The following ACKR2 variants were observed in gnomAD, a reference collection of about 807,000 sequenced individuals.
ACKR2 encodes the protein C-C chemokine receptor D6.
For synonymous variants in ACKR2, 207 were observed against 192.2 expected (o/e 1.08, Z -0.64); for missense variants, 457 against 477.3 (o/e 0.96, Z 0.40).
rs1172942084 is a variant in ACKR2 at position 42,866,787 on chromosome 3, T to G, written c.*1130T>G. Reference sequence around the variant, plus strand: ...GATTCACTCCATAAAATACAGAGAGTGCTGCAATGAGCTGGGTAGAAGAGG... The same window carrying G: ...GATTCACTCCATAAAATACAGAGAGGGCTGCAATGAGCTGGGTAGAAGAGG... On this transcript the variant is annotated 3_prime_UTR_variant, in exon 3 of 3. Transcript: ENST00000422265. 1 of 166,804 alleles carries G rather than the reference T, an allele frequency of 6.0e-6. No homozygotes were observed. The highest frequency in any genetic ancestry group is 1.5e-5 in the Non-Finnish European group (1 of 68,078). The allele number at this position is 166,804 out of a possible 1,614,324, so 10.3% of individuals were successfully genotyped here.
At chr3:42,846,769 C>T (rs1701102424) in intron 2 of ACKR2, among the ~76,000 whole-genome samples, 1 of 152,110 alleles carries the variant, frequency 6.6e-6, no homozygotes, top group Admixed American at 6.5e-5. Flanking sequence ...TACATCAAAG[C>T]CTGCATTCTC....
intron 2 of ACKR2, among the ~76,000 whole-genome samples, chr3:42,843,050 T>A (rs1044772066): frequency 6.8e-6 from 1 of 147,504 alleles, no homozygotes; most frequent in African/African-American, 2.5e-5. Flanking sequence ...ATTTATTTAT[T>A]TATTTATTTA....
At chr3:42,833,355 TA>T (rs770851193) in intron 2 of ACKR2, among the ~76,000 whole-genome samples, 1 of 152,218 alleles carries the variant, frequency 6.6e-6, no homozygotes, top group Non-Finnish European at 1.5e-5. Flanking sequence ...TGTTTATTTT[TA>T]TTTTTTATTT....
chr3:42,825,872 T>A (rs1335351022), intron 2 of ACKR2, among the ~76,000 whole-genome samples: 1 of 151,198 alleles, frequency 6.6e-6, no homozygotes, highest in African/African-American at 2.4e-5. Context: ...TTTGTTTTTT[T>A]TTTTTGTAGA....
At chr3:42,828,869 A>T (rs180799943) in intron 2 of ACKR2, among the ~76,000 whole-genome samples, 6 of 152,336 alleles carry the variant, frequency 3.9e-5, no homozygotes, top group Middle Eastern at 6.8e-3. Context: ...CATTAAATGA[A>T]ATAGGAGGAT....
At chr3:42,814,809 T>C (rs183407447) in intron 1 of ACKR2, among the ~76,000 whole-genome samples, 31 of 152,326 alleles carry the variant, frequency 2.0e-4, no homozygotes, top group Admixed American at 3.3e-4. Context: ...AGTTTATAAG[T>C]ACTTTGAATG....
chr3:42,812,988 C>G lies in ACKR2; in HGVS notation c.-119+3456C>G, dbSNP rs1044014482. ...ACAGGCATGAGCCACTATGCCCGGC[C>G]TTCAGCTTTCTTTTGGTTCTAATCA... On this transcript the variant is annotated intron_variant, in intron 1 of 2. Coordinates refer to ENST00000422265, the MANE Select transcript of ACKR2 (RefSeq NM_001296.5). Among the ~76,000 whole-genome samples, 4 of 152,224 alleles carry G rather than the reference C, an allele frequency of 2.6e-5. No individual in the cohort carries two copies. In the East Asian group the frequency reaches 7.7e-4, roughly 29 times the overall value.
rs1343146618 is a variant in ACKR2, at chr3:42,852,306, CAGGCAACAAGTACAG to C, written c.-37-12153_-37-12139del. 1 of 152,178 alleles carries C rather than the reference CAGGCAACAAGTACAG, an allele frequency of 6.6e-6. No individual in the cohort carries two copies. The highest frequency in any genetic ancestry group is 1.9e-4 in the East Asian group (1 of 5,202). 9.4% of individuals were successfully genotyped at this position (152,178 alleles called of 1,614,324 possible). A position where few individuals can be genotyped will look rare whatever the true frequency, so the allele number is the denominator to read the frequency against. Reference sequence around the variant, plus strand: ...GCAAGGAGTTCTCATGGGAACATTACAGGCAACAAGTACAGAGGCAAAAAACAAAACATCAAAAAA... The same window carrying C: ...GCAAGGAGTTCTCATGGGAACATTACAGGCAAAAAACAAAACATCAAAAAA... On this transcript the variant is annotated intron_variant, in intron 2 of 2. Coordinates refer to ENST00000422265, the MANE Select transcript of ACKR2 (RefSeq NM_001296.5). The surrounding 1 kb of genome is among the most constrained non-coding windows in gnomAD (Gnocchi z 4.3).
chr3:42,835,079 G>C (rs1009002443), intron 2 of ACKR2, among the ~76,000 whole-genome samples: 5 of 151,544 alleles, frequency 3.3e-5, no homozygotes, highest in African/African-American at 1.2e-4. Context: ...GTAGAGATGG[G>C]GTTTTGCCTT....
In ACKR2 at chr3:42,824,266, A is replaced by AT. The variant is rs775298588; in HGVS notation, c.-38+4562dup. Among the ~76,000 whole-genome samples, 5 of 152,044 alleles carry AT rather than the reference A, an allele frequency of 3.3e-5. No individual in the cohort carries two copies. The South Asian group carries it at 6.2e-4, about 19-fold the overall frequency. ...TTATACTGTATTTTAAAAAATTTGT[A>AT]TTTTTTTATTGCTGTATTGTTATTT... On this transcript the variant is annotated intron_variant, in intron 2 of 2. Coordinates refer to ENST00000422265, the MANE Select transcript of ACKR2 (RefSeq NM_001296.5).
chr3:42,823,144 G>A (rs1700826145), intron 2 of ACKR2, among the ~76,000 whole-genome samples: 1 of 152,174 alleles, frequency 6.6e-6, no homozygotes, highest in African/African-American at 2.4e-5. Flanking sequence ...TGAAGTGGCG[G>A]GACAGTCTTC....
chr3:42,818,551 A>C (rs1700776737), intron 1 of ACKR2, among the ~76,000 whole-genome samples: 1 of 152,192 alleles, frequency 6.6e-6, no homozygotes, highest in African/African-American at 2.4e-5. Context: ...AACAGATCAA[A>C]TAAGGAAAGA....
intron 2 of ACKR2, among the ~76,000 whole-genome samples, chr3:42,848,110 A>T (rs1701116402): frequency 1.3e-5 from 2 of 151,938 alleles, no homozygotes; most frequent in South Asian, 2.1e-4. Flanking sequence ...GACAATTTGA[A>T]CAGCAAGATA....
intron 1 of ACKR2, among the ~76,000 whole-genome samples, chr3:42,809,874 A>G (rs1399740693): frequency 6.6e-6 from 1 of 152,100 alleles, no homozygotes; most frequent in Non-Finnish European, 1.5e-5. Flanking sequence ...AAAAAAAAAA[A>G]AAGTTGGGGA....
At chr3:42,843,894 C>T (rs563724060) in intron 2 of ACKR2, 1 of 152,338 alleles carries the variant, frequency 6.6e-6, no homozygotes, top group East Asian at 1.9e-4. Flanking sequence ...ATTTCCATAT[C>T]TTTCATGACT....
intron 2 of ACKR2, among the ~76,000 whole-genome samples, chr3:42,823,338 T>C (rs535979008): frequency 6.6e-6 from 1 of 152,262 alleles, no homozygotes; most frequent in African/African-American, 2.4e-5. Flanking sequence ...GAGTAATCTG[T>C]CTCAATATCT....
At chr3:42,826,210 T>A (rs1433182337) in intron 2 of ACKR2, among the ~76,000 whole-genome samples, 1 of 152,116 alleles carries the variant, frequency 6.6e-6, no homozygotes, top group Non-Finnish European at 1.5e-5. Context: ...TATTGGTGTG[T>A]AGTGTTCTTT....
Position 42,825,527 on chromosome 3 carries a change from G to A in ACKR2, c.-38+5816G>A, listed in dbSNP as rs372745076. On this transcript the variant is annotated intron_variant, in intron 2 of 2. Coordinates refer to ENST00000422265, the MANE Select transcript of ACKR2 (RefSeq NM_001296.5). Reference sequence around the variant, plus strand: ...GTTTATAGAAATACAGTTGCTTTTTGTATATTGATCTTGTATCCTGAATGT... The same window carrying A: ...GTTTATAGAAATACAGTTGCTTTTTATATATTGATCTTGTATCCTGAATGT... Among the ~76,000 whole-genome samples the A allele has an allele frequency of 2.6e-5, 4 of 151,078 alleles. No individual in the cohort carries two copies. The South Asian group carries it at 8.4e-4, about 32-fold the overall frequency.
intron 1 of ACKR2, among the ~76,000 whole-genome samples, chr3:42,813,737 T>A (rs1700718947): frequency 6.6e-6 from 1 of 152,260 alleles, no homozygotes; most frequent in Admixed American, 6.5e-5. Context: ...TGTGCCTTTA[T>A]TATTTTCTGC....
Sources: gnomAD v4.1 joint callset for allele counts (sites outside exome capture counted in the v4.1 genomes callset) on GRCh38, gnomAD v4.1.1 for gene constraint, Gnocchi (gnomAD v3.1) non-coding constraint, MANE v1.5 for transcripts, NCBI Gene and HGNC (gene_info 2026-07-23, HGNC 2026-07-21) for gene names.